PLEKHA5: variants seen among roughly 807,000 people sequenced by gnomAD.
The protein encoded by PLEKHA5 is pleckstrin homology domain-containing family A member 5.
PLEKHA5 carries 55 observed loss-of-function variants against 181.9 expected under a neutral mutation model. That is an observed-to-expected ratio of 0.30 (90% CI 0.24 to 0.38). The LOEUF (loss-of-function observed/expected upper bound fraction) is 0.38. Among genes scored for constraint, PLEKHA5 ranks in the 10% least tolerant of loss-of-function variants. The probability of loss-of-function intolerance (pLI) is 1.00; values close to 1 mark genes in which losing one functional copy is unlikely to be tolerated. For synonymous variants in PLEKHA5, 535 were observed against 529.4 expected (o/e 1.01, Z -0.15); for missense variants, 1,432 against 1,549.5 (o/e 0.92, Z 1.27).
intron 3 of PLEKHA5, among the ~76,000 whole-genome samples, chr12:19,216,738 C>T (rs2058046178): frequency 6.6e-6 from 1 of 151,620 alleles, no homozygotes; most frequent in Non-Finnish European, 1.5e-5. Flanking sequence ...TGGCTGTGGG[C>T]TAAGAACCGT....
chr12:19,340,889 A>G lies in PLEKHA5; in HGVS notation c.2551-2434A>G, dbSNP rs1394867895. Among the ~76,000 whole-genome samples, 21 of 147,410 alleles carry G rather than the reference A, an allele frequency of 1.4e-4. No homozygotes were observed. In the Admixed American group the frequency reaches 1.5e-3, roughly 10 times the overall value. On this transcript the variant is annotated intron_variant, in intron 21 of 31. Transcript: ENST00000429027. ...CTTATCTGCTGACCTTCCCTCCACT[A>G]TTGTCCTGTGACCCTGCCAAATCCC...
chr12:19,181,339 A>C (rs567791903), intron 3 of PLEKHA5, among the ~76,000 whole-genome samples: 7 of 152,330 alleles, frequency 4.6e-5, no homozygotes, highest in African/African-American at 1.7e-4. Context: ...AAGTTTTTGA[A>C]ATCTCTTGTT....
At chr12:19,334,275 C>T (rs2093140774) in intron 20 of PLEKHA5, among the ~76,000 whole-genome samples, 1 of 152,164 alleles carries the variant, frequency 6.6e-6, no homozygotes, top group Admixed American at 6.5e-5. Flanking sequence ...AGCAGGATTA[C>T]AGGACTTGGG....
intron 3 of PLEKHA5, among the ~76,000 whole-genome samples, chr12:19,248,425 C>T (rs952771007): frequency 7.2e-5 from 11 of 151,958 alleles, no homozygotes; most frequent in African/African-American, 2.7e-4. Context: ...CTCAAACTCC[C>T]GGCCTCAAGT....
At chr12:19,183,874 C>T (rs2049198170) in intron 3 of PLEKHA5, among the ~76,000 whole-genome samples, 1 of 152,016 alleles carries the variant, frequency 6.6e-6, no homozygotes, top group Admixed American at 6.6e-5. Flanking sequence ...CCACCACGCC[C>T]AGCTAATTTT....
chr12:19,238,597 G>GT (rs1247079195), intron 3 of PLEKHA5, among the ~76,000 whole-genome samples: 3 of 152,040 alleles, frequency 2.0e-5, no homozygotes, highest in Non-Finnish European at 4.4e-5. Flanking sequence ...CGCTGAAAAT[G>GT]TTTTAACGTG....
At chr12:19,296,561 A>C (rs2079865595) in intron 15 of PLEKHA5, among the ~76,000 whole-genome samples, 1 of 149,048 alleles carries the variant, frequency 6.7e-6, no homozygotes, top group South Asian at 2.1e-4. Context: ...AAAAAAAAAA[A>C]ATGTATTCAG....
rs1401432270 is a variant in PLEKHA5 at position 19,274,744 on chromosome 12, A to G, written c.1074A>G (p.Glu358=). 3 of 1,614,048 alleles carry G rather than the reference A, an allele frequency of 1.9e-6. No individual in the cohort carries two copies. The highest frequency in any genetic ancestry group is 2.5e-6 in the Non-Finnish European group (3 of 1,179,984). Residue 358 remains glutamate, a synonymous_variant, in exon 11 of 32, where the codon GAA becomes GAG. Coordinates refer to ENST00000429027, the MANE Select transcript of PLEKHA5 (RefSeq NM_001256470.2). ...NSVKLNSLPS[E]YESGSACPAQ... ...TAAAGCTGAATTCTCTGCCATCTGA[A>G]TATGAGAGTGGGTCAGCATGCCCTG...
At chr12:19,260,511 T>C (rs1287326377) in intron 6 of PLEKHA5, among the ~76,000 whole-genome samples, 2 of 152,198 alleles carry the variant, frequency 1.3e-5, no homozygotes, top group Non-Finnish European at 2.9e-5. Flanking sequence ...ATTGGCCTTT[T>C]AGATAGGTTA....
At chr12:19,304,266 G>A (rs551925698) in intron 15 of PLEKHA5, among the ~76,000 whole-genome samples, 8 of 152,254 alleles carry the variant, frequency 5.3e-5, no homozygotes, top group African/African-American at 1.9e-4. Context: ...TTAGCCGGGC[G>A]TAGTAGTGGG....
intron 15 of PLEKHA5, among the ~76,000 whole-genome samples, chr12:19,298,204 AAAG>A (rs2080427180): frequency 6.6e-6 from 1 of 151,982 alleles, no homozygotes; most frequent in Non-Finnish European, 1.5e-5. Flanking sequence ...ATCTCCAAAA[AAAG>A]AAGAGGAGTA....
intron 28 of PLEKHA5, among the ~76,000 whole-genome samples, chr12:19,360,594 A>C (rs1158134896): frequency 4.0e-5 from 6 of 151,858 alleles, no homozygotes; most frequent in Non-Finnish European, 8.8e-5. Flanking sequence ...GGACAGAGTG[A>C]GATTCCGTCT....
At position 19,317,709 on chromosome 12, in the gene PLEKHA5, TAA is replaced by T. The variant is rs35597898; in HGVS notation, c.2119-2302_2119-2301del. Among the ~76,000 whole-genome samples, 56 of 145,316 alleles carry T rather than the reference TAA, an allele frequency of 3.9e-4. 2 individuals carry two copies. Among genetic ancestry groups the T allele is most frequent in the African/African-American group, 9.8e-4 (39 of 39,932 alleles). On this transcript the variant is annotated intron_variant, in intron 16 of 31. Coordinates refer to ENST00000429027, the MANE Select transcript of PLEKHA5 (RefSeq NM_001256470.2). ...TTTGTTTTAATGCCAAGACAGTTTATAAAAAAAAAAAGTATCAGATACTTTAA... is the reference window on the plus strand; with the variant it reads ...TTTGTTTTAATGCCAAGACAGTTTATAAAAAAAAAGTATCAGATACTTTAA...
At chr12:19,171,931 A>G (rs532525625) in intron 3 of PLEKHA5, among the ~76,000 whole-genome samples, 1 of 152,246 alleles carries the variant, frequency 6.6e-6, no homozygotes, top group South Asian at 2.1e-4. Flanking sequence ...CCACTGTAAG[A>G]TCTTCAGGGG....
Position 19,368,653 on chromosome 12 carries a change from A to G in PLEKHA5, c.3755-1040A>G, listed in dbSNP as rs560779706. 1.3e-4 allele frequency among the ~76,000 whole-genome samples: 19 copies of G among 151,990 alleles called. No homozygotes were observed. In the South Asian group the frequency reaches 3.7e-3, roughly 30 times the overall value. ...ACTAAAAATACAAAATTAGCCAGGC[A>G]TGGTGGCCATGCCTGTAATCCCAGC... is the stretch of plus-strand genomic sequence containing the variant. On this transcript the variant is annotated intron_variant, in intron 30 of 31. Transcript: ENST00000429027.
At chr12:19,242,992 TAAACTG>T (rs774418977) in intron 3 of PLEKHA5, among the ~76,000 whole-genome samples, 4 of 152,104 alleles carry the variant, frequency 2.6e-5, no homozygotes, top group Admixed American at 1.3e-4. Flanking sequence ...GGTTTAAAAT[TAAACTG>T]GAATTGGGAA....
In PLEKHA5 at chr12:19,283,661, A is replaced by G. The variant is rs368302175; in HGVS notation, c.1695A>G (p.Gln565=). ...SIAAYQGYSP[Q]RTYRSEVSSP... is the part of the protein sequence containing the mutation. ...CTGCTTATCAGGGATACTCCCCTCA[A>G]CGAACTTACAGATCGGAAGTGTCTT... Residue 565 remains glutamine (Q), a synonymous_variant, in exon 12 of 32, where the codon CAA becomes CAG. Coordinates refer to ENST00000429027, the MANE Select transcript of PLEKHA5 (RefSeq NM_001256470.2). 7 of 1,614,112 alleles carry G rather than the reference A, an allele frequency of 4.3e-6. No individual in the cohort carries two copies. Among genetic ancestry groups the G allele is most frequent in the Admixed American group, 3.3e-5 (2 of 60,018 alleles).
At chr12:19,338,341 T>C (rs1194177122) in intron 21 of PLEKHA5, among the ~76,000 whole-genome samples, 1 of 151,954 alleles carries the variant, frequency 6.6e-6, no homozygotes, top group African/African-American at 2.4e-5. Context: ...TGGGATCGGC[T>C]GGACACATTG....
chr12:19,285,010 T>G (rs917173366), intron 12 of PLEKHA5, among the ~76,000 whole-genome samples: 3 of 152,226 alleles, frequency 2.0e-5, no homozygotes, highest in Admixed American at 1.3e-4. Context: ...AGCTGATTTC[T>G]TCAGCTGCGT....
Sources: gnomAD v4.1 joint callset for allele counts (sites outside exome capture counted in the v4.1 genomes callset) on GRCh38, gnomAD v4.1.1 for gene constraint, MANE v1.5 for transcripts, NCBI Gene and HGNC (gene_info 2026-07-23, HGNC 2026-07-21) for gene names.